Variants in DLGAP2 observed in about 807,000 individuals in gnomAD.
DLGAP2 encodes the protein disks large-associated protein 2.
DLGAP2 carries 26 observed loss-of-function variants against 100.3 expected under a neutral mutation model. The observed-to-expected ratio is 0.26, with a 90% CI of 0.19 to 0.36. DLGAP2 has a LOEUF of 0.36. Among genes scored for constraint, DLGAP2 ranks in the 10% least tolerant of loss-of-function variants. The pLI is 1.00. For synonymous variants in DLGAP2, 886 were observed against 630.1 expected, an observed-to-expected ratio of 1.41 and a Z score of -6.08; for missense variants, 1,858 against 1,453.2, an observed-to-expected ratio of 1.28 and a Z score of -4.53.
chr8:1,495,506 A>C lies in DLGAP2; in HGVS notation c.107-5860A>C, dbSNP rs58216246. Among the ~76,000 whole-genome samples the C allele has an allele frequency of 7.9e-3, 1,208 of 152,338 alleles. 14 individuals are homozygous for C. Among genetic ancestry groups the C allele is most frequent in the African/African-American group, 0.028 (1,170 of 41,582 alleles). The stretch of plus-strand genomic sequence containing the variant: ...TGAGGGGCCGCCATCATGAGGGGTC[A>C]GAATGTGGTGGGTGAGCCAGGACTG... On this transcript the variant is annotated intron_variant, in intron 3 of 14. Coordinates refer to ENST00000637795, the MANE Select transcript of DLGAP2 (RefSeq NM_001346810.2).
At chr8:1,192,050 A>G (rs6558420) in intron 2 of DLGAP2, among the ~76,000 whole-genome samples, 142,358 of 152,266 alleles carry the variant, frequency 0.93, 66,618 homozygotes, top group African/African-American at 0.98. Flanking sequence ...AGCCGCTGCC[A>G]GCCTCCCAGG....
intron 3 of DLGAP2, among the ~76,000 whole-genome samples, chr8:1,323,370 G>C (rs1800949770): frequency 1.3e-5 from 2 of 152,120 alleles, no homozygotes; most frequent in South Asian, 4.1e-4. Flanking sequence ...CAACCACGAT[G>C]CACATCCTCC....
intron 4 of DLGAP2, among the ~76,000 whole-genome samples, chr8:1,542,875 T>G (rs1290898321): frequency 6.6e-6 from 1 of 152,156 alleles, no homozygotes; most frequent in African/African-American, 2.4e-5. Flanking sequence ...TCATCAAGCT[T>G]TGGAACTGTG....
chr8:767,608 G>A (rs1217083961), intron 1 of DLGAP2, among the ~76,000 whole-genome samples: 2 of 152,116 alleles, frequency 1.3e-5, no homozygotes, highest in South Asian at 2.1e-4. Flanking sequence ...ACGTGCCTTG[G>A]CCTCCCAAAG....
chr8:973,278 C>A (rs1345012117), intron 2 of DLGAP2, among the ~76,000 whole-genome samples: 1 of 146,968 alleles, frequency 6.8e-6, no homozygotes, highest in Non-Finnish European at 1.5e-5. Context: ...CCGGACGGGG[C>A]AGCTGGCCGG....
chr8:1,365,282 G>T (rs1454458781), intron 3 of DLGAP2, among the ~76,000 whole-genome samples: 1 of 152,158 alleles, frequency 6.6e-6, no homozygotes, highest in Non-Finnish European at 1.5e-5. Flanking sequence ...GGGATGTGTG[G>T]CTCAGGTGCT....
intron 2 of DLGAP2, among the ~76,000 whole-genome samples, chr8:923,826 T>C (rs1021364798): frequency 6.6e-6 from 1 of 152,114 alleles, no homozygotes; most frequent in Non-Finnish European, 1.5e-5. Context: ...AATTAAACAA[T>C]CAAAGACTGC....
At chr8:1,349,756 G>C (rs1483498743) in intron 3 of DLGAP2, among the ~76,000 whole-genome samples, 1 of 152,234 alleles carries the variant, frequency 6.6e-6, no homozygotes, top group Non-Finnish European at 1.5e-5. Flanking sequence ...AGGAAGGATG[G>C]TGTCTTTCCC....
At chr8:1,285,531 GAAT>G (rs1441648145) in intron 3 of DLGAP2, among the ~76,000 whole-genome samples, 5 of 152,150 alleles carry the variant, frequency 3.3e-5, no homozygotes, top group South Asian at 2.1e-4. Context: ...TGGGGCTGTG[GAAT>G]AATAATAGTC....
At chr8:983,503 G>A (rs1197499321) in intron 2 of DLGAP2, among the ~76,000 whole-genome samples, 1 of 152,236 alleles carries the variant, frequency 6.6e-6, no homozygotes. Context: ...ACAGGTCCTT[G>A]AGATGTTCTT....
At chr8:1,436,948 C>G (rs151011040) in intron 3 of DLGAP2, among the ~76,000 whole-genome samples, 34 of 152,382 alleles carry the variant, frequency 2.2e-4, no homozygotes, top group African/African-American at 7.7e-4. Context: ...TGCAGTCACA[C>G]GCTGTGCAGG....
At position 1,065,593 on chromosome 8, in the gene DLGAP2, A is replaced by G. The variant is rs138204813; in HGVS notation, c.73+157627A>G. Reference sequence around the variant, plus strand: ...CTGTGCCTTAAGAATGACATTGTTAATTATGAAATGTTTAAAAGATGCCCG... The same window carrying G: ...CTGTGCCTTAAGAATGACATTGTTAGTTATGAAATGTTTAAAAGATGCCCG... On this transcript the variant is annotated intron_variant, in intron 2 of 14. Coordinates refer to ENST00000637795, the MANE Select transcript of DLGAP2 (RefSeq NM_001346810.2). Among the ~76,000 whole-genome samples the G allele has an allele frequency of 2.9e-3, 444 of 152,334 alleles. 5 individuals carry two copies. The highest frequency in any genetic ancestry group is 5.1e-3 in the Non-Finnish European group (349 of 68,032).
At chr8:798,288 C>T (rs1163904592) in intron 1 of DLGAP2, among the ~76,000 whole-genome samples, 8 of 146,992 alleles carry the variant, frequency 5.4e-5, no homozygotes, top group South Asian at 2.2e-4. Context: ...CCCCGTGCCC[C>T]GGCGCTGGCC....
chr8:788,618 G>A (rs1821943179), intron 1 of DLGAP2, among the ~76,000 whole-genome samples: 1 of 152,202 alleles, frequency 6.6e-6, no homozygotes, highest in Non-Finnish European at 1.5e-5. Flanking sequence ...AAGTATCTCA[G>A]CTTGGAAAAA....
chr8:1,181,445 C>G (rs1187204420), intron 2 of DLGAP2, among the ~76,000 whole-genome samples: 1 of 152,104 alleles, frequency 6.6e-6, no homozygotes, highest in East Asian at 1.9e-4. Flanking sequence ...TGATCTCATT[C>G]TTTTTAGTGG....
chr8:1,556,865 C>G (rs920284946), intron 5 of DLGAP2, among the ~76,000 whole-genome samples: 1 of 152,172 alleles, frequency 6.6e-6, no homozygotes, highest in African/African-American at 2.4e-5. Context: ...AGCAGCATCG[C>G]GAAGATCTCT....
chr8:1,206,995 G>A (rs529735066), intron 2 of DLGAP2, among the ~76,000 whole-genome samples: 5 of 152,176 alleles, frequency 3.3e-5, no homozygotes, highest in Admixed American at 1.3e-4. Flanking sequence ...TCCCAGAGAG[G>A]CTCCTCCTGT....
At chr8:1,541,763 G>C (rs753676518) in intron 4 of DLGAP2, among the ~76,000 whole-genome samples, 4 of 152,204 alleles carry the variant, frequency 2.6e-5, no homozygotes, top group Non-Finnish European at 4.4e-5. Flanking sequence ...TCAGCCATTT[G>C]TGTGTAACTC....
chr8:1,063,975 G>T (rs1301631768), intron 2 of DLGAP2, among the ~76,000 whole-genome samples: 1 of 152,176 alleles, frequency 6.6e-6, no homozygotes, highest in African/African-American at 2.4e-5. Flanking sequence ...CGTCTGCCAT[G>T]CATGCCATTC....
Sources: gnomAD v4.1 joint callset for allele counts (sites outside exome capture counted in the v4.1 genomes callset) on GRCh38, gnomAD v4.1.1 for gene constraint, MANE v1.5 for transcripts, NCBI Gene and HGNC (gene_info 2026-07-23, HGNC 2026-07-21) for gene names.